The following CSNK1A1 variants were observed in gnomAD, a reference collection of about 807,000 sequenced individuals.
CSNK1A1 encodes the protein casein kinase I isoform alpha.
CSNK1A1 carries 7 observed loss-of-function variants against 46.1 expected under a neutral mutation model. That is an observed-to-expected ratio of 0.15 (90% CI 0.09 to 0.29). The LOEUF (loss-of-function observed/expected upper bound fraction) is 0.29. CSNK1A1 is among the 10% of genes least tolerant of loss of function. The pLI is 1.00. For missense variants in CSNK1A1, 96 were observed against 417.1 expected (o/e 0.23, Z 6.71); for synonymous variants, 137 against 141.5 (o/e 0.97, Z 0.23).
rs1760600253 is a variant in CSNK1A1 at position 149,494,387 on chromosome 5, A to T, written c.*2466T>A. On this transcript the variant is annotated 3_prime_UTR_variant, in exon 10 of 10. Transcript: ENST00000377843. Reference sequence around the variant, plus strand: ...CTTGTTATACCTTCCCAAAACAGAGACATTCAACAGTAGTTAGAATGGCCA... The same window carrying T: ...CTTGTTATACCTTCCCAAAACAGAGTCATTCAACAGTAGTTAGAATGGCCA... 1 of 152,130 alleles carries T rather than the reference A, an allele frequency of 6.6e-6. No homozygotes were observed. The highest frequency in any genetic ancestry group is 1.5e-5 in the Non-Finnish European group (1 of 68,034). 9.4% of individuals were successfully genotyped at this position (152,130 alleles called of 1,614,324 possible). A position where few individuals can be genotyped will look rare whatever the true frequency, so the allele number is the denominator to read the frequency against.
chr5:149,544,466 C>A (rs932299599), intron 2 of CSNK1A1, among the ~76,000 whole-genome samples: 4 of 150,812 alleles, frequency 2.7e-5, no homozygotes, highest in African/African-American at 7.3e-5. Flanking sequence ...AATGCAAGAC[C>A]AGTCTGGGCA....
intron 9 of CSNK1A1, 91 bp downstream of exon 9, chr5:149,505,356 C>T: frequency 1.9e-5 from 27 of 1,458,738 alleles, no homozygotes; most frequent in South Asian, 1.3e-4. Context: ...ATTTTAAAAC[C>T]ACCTCCTTGA....
At chr5:149,521,437 A>AT (rs142191834) in intron 3 of CSNK1A1, among the ~76,000 whole-genome samples, 3 of 151,534 alleles carry the variant, frequency 2.0e-5, no homozygotes, top group Admixed American at 6.6e-5. Flanking sequence ...CACCTGGCTA[A>AT]TTTTTTTGTG....
At chr5:149,501,078 G>A (rs1760842637) in intron 9 of CSNK1A1, 2 of 985,252 alleles carry the variant, frequency 2.0e-6, no homozygotes, top group African/African-American at 3.5e-5. Context: ...CTGAGTCATA[G>A]CAACGCTGTA....
rs758308936 is a variant in CSNK1A1, at chr5:149,504,201, G to A, written c.1006+1246C>T. On this transcript the variant is annotated intron_variant, in intron 9 of 9. Transcript: ENST00000377843. ...CATGTCACCATCTGAAAAACCCAAC[G>A]ACAATAAACCTTCAACTTTGAATCC... 32 of 985,250 alleles carry A rather than the reference G, an allele frequency of 3.2e-5. No homozygotes were observed. The Admixed American group carries it at 8.0e-4, about 25-fold the overall frequency. 61.0% of individuals were successfully genotyped at this position (985,250 alleles called of 1,614,324 possible). A position where few individuals can be genotyped will look rare whatever the true frequency, so the allele number is the denominator to read the frequency against.
Position 149,550,383 on chromosome 5 carries a change from C to CCT in CSNK1A1, c.124-204_124-203dup. On this transcript the variant is annotated intron_variant, in intron 1 of 9. Transcript: ENST00000377843. The surrounding 1 kb of genome is among the most constrained non-coding windows in gnomAD (Gnocchi z 4.3). ...GGGGGTAGTGACGAAATCCGTACGT[C>CCT]CTCTAAAGTGCAGGAAAATGATTCA... 7.3e-7 allele frequency: 1 copy of CCT among 1,366,880 alleles called. No homozygotes were observed. Among genetic ancestry groups the CCT allele is most frequent in the Non-Finnish European group, 9.4e-7 (1 of 1,060,994 alleles). The allele number at this position is 1,366,880 out of a possible 1,614,324, so 84.7% of individuals were successfully genotyped here. A position where few individuals can be genotyped will look rare whatever the true frequency, so the allele number is the denominator to read the frequency against.
At chr5:149,500,623 C>T (rs1760823066) in intron 9 of CSNK1A1, among the ~76,000 whole-genome samples, 2 of 151,366 alleles carry the variant, frequency 1.3e-5, no homozygotes, top group Non-Finnish European at 2.9e-5. Flanking sequence ...GCGATGAGGT[C>T]TCCCTATGTT....
chr5:149,498,040 G>T, intron 9 of CSNK1A1: 1 of 812,308 alleles, frequency 1.2e-6, no homozygotes, highest in Non-Finnish European at 1.5e-6. Context: ...CACTGTGTTG[G>T]CCAGGCTGGT....
intron 7 of CSNK1A1, among the ~76,000 whole-genome samples, chr5:149,508,907 AACTTATTTTTTATTATTTT>A (rs1761125194): frequency 6.6e-6 from 1 of 152,146 alleles, no homozygotes; most frequent in African/African-American, 2.4e-5. Flanking sequence ...ACGTTTATTT[AACTTATTTTTTATTATTTT>A]ACTTATTTTT....
In CSNK1A1 at chr5:149,519,284, G is replaced by T. The variant is rs1375524827; in HGVS notation, c.456+1006C>A. On this transcript the variant is annotated intron_variant, in intron 4 of 9. Coordinates refer to ENST00000377843, the MANE Select transcript of CSNK1A1 (RefSeq NM_001892.6). ...AGGCAAACAAAGGTAAACATTTATA[G>T]CTAGACCTAAAAACACCAAACATTT... Among the ~76,000 whole-genome samples, 4 of 152,094 alleles carry T rather than the reference G, an allele frequency of 2.6e-5. No individual in the cohort carries two copies. The East Asian group carries it at 7.7e-4, about 29-fold the overall frequency.
At chr5:149,548,722 G>A (rs183563050) in intron 2 of CSNK1A1, among the ~76,000 whole-genome samples, 94 of 151,586 alleles carry the variant, frequency 6.2e-4, no homozygotes, top group African/African-American at 2.3e-3. Flanking sequence ...GGTGGCGGGC[G>A]CCTGTAATCC....
chr5:149,530,474 T>C (rs539125873), intron 2 of CSNK1A1, among the ~76,000 whole-genome samples: 1 of 152,236 alleles, frequency 6.6e-6, no homozygotes, highest in African/African-American at 2.4e-5. Flanking sequence ...GAATCAGTGC[T>C]ATAATATATC....
intron 9 of CSNK1A1, among the ~76,000 whole-genome samples, chr5:149,499,504 A>G (rs1431930281): frequency 6.6e-6 from 1 of 152,170 alleles, no homozygotes; most frequent in Non-Finnish European, 1.5e-5. Flanking sequence ...GCTCACATCT[A>G]TAATGCTAAC....
At chr5:149,516,166 A>G (rs1352539673) in intron 4 of CSNK1A1, among the ~76,000 whole-genome samples, 1 of 152,074 alleles carries the variant, frequency 6.6e-6, no homozygotes, top group Non-Finnish European at 1.5e-5. Context: ...CTAAAAATAC[A>G]AAAATTAGCC....
intron 2 of CSNK1A1, among the ~76,000 whole-genome samples, chr5:149,535,696 C>T (rs1195779053): frequency 6.6e-6 from 1 of 152,090 alleles, no homozygotes; most frequent in Admixed American, 6.5e-5. Flanking sequence ...CTGGAATGCA[C>T]TGGCACAATC....
At chr5:149,545,715 C>CAT in intron 2 of CSNK1A1, 1 of 681,366 alleles carries the variant, frequency 1.5e-6, no homozygotes, top group Non-Finnish European at 2.6e-6. Context: ...TGGCAAAGTG[C>CAT]ATGTTCCTCA....
chr5:149,509,494 G>A lies in CSNK1A1; in HGVS notation c.750+385C>T, dbSNP rs143986756. On this transcript the variant is annotated intron_variant, in intron 7 of 9. Coordinates refer to ENST00000377843, the MANE Select transcript of CSNK1A1 (RefSeq NM_001892.6). ...TTCACCACTGCAATTGGAGCCTCCC[G>A]GGCTCAAGTGATCCTCCTGCCTCAG... 3.1e-3 allele frequency among the ~76,000 whole-genome samples: 469 copies of A among 152,270 alleles called. 3 individuals are homozygous for A. The highest frequency in any genetic ancestry group is 0.011 in the African/African-American group (437 of 41,542).
rs1447049792 is a variant in CSNK1A1 at position 149,493,069 on chromosome 5, T to C, written c.*3784A>G. ...GGCTCCTGTGCCCTTTTGACATGTA[T>C]CCACCTTTTTGTTGTTGTTGAGACG... On this transcript the variant is annotated 3_prime_UTR_variant, in exon 10 of 10. Coordinates refer to ENST00000377843, the MANE Select transcript of CSNK1A1 (RefSeq NM_001892.6). 1 of 152,230 alleles carries C rather than the reference T, an allele frequency of 6.6e-6. No homozygotes were observed. Among genetic ancestry groups the C allele is most frequent in the Non-Finnish European group, 1.5e-5 (1 of 68,054 alleles). 9.4% of individuals were successfully genotyped at this position (152,230 alleles called of 1,614,324 possible). A position where few individuals can be genotyped will look rare whatever the true frequency, so the allele number is the denominator to read the frequency against.
chr5:149,516,269 A>T (rs1417559155), intron 4 of CSNK1A1, among the ~76,000 whole-genome samples: 1 of 152,046 alleles, frequency 6.6e-6, no homozygotes, highest in Non-Finnish European at 1.5e-5. Flanking sequence ...GTGGGCCAAG[A>T]TCGCACCACT....
Sources: gnomAD v4.1 joint callset for allele counts (sites outside exome capture counted in the v4.1 genomes callset) on GRCh38, gnomAD v4.1.1 for gene constraint, Gnocchi (gnomAD v3.1) non-coding constraint, MANE v1.5 for transcripts, NCBI Gene and HGNC (gene_info 2026-07-23, HGNC 2026-07-21) for gene names.